The following AKR1C8 variants were observed in gnomAD, a reference collection of about 807,000 sequenced individuals.
The protein encoded by AKR1C8 is aldo-keto reductase family 1 member C-like protein 1.
the AKR1C8 span, among the ~76,000 whole-genome samples, chr10:5,157,367 G>A: frequency 0.37 from 37,119 of 101,018 alleles, 4,712 homozygotes; most frequent in Non-Finnish European, 0.41. Flanking sequence ...TTACCATGTA[G>A]AAGAACTCCT....
the AKR1C8 span, among the ~76,000 whole-genome samples, chr10:5,126,243 T>C: frequency 1.3e-5 from 2 of 152,136 alleles, no homozygotes; most frequent in Admixed American, 1.3e-4. Flanking sequence ...ATACACAGCT[T>C]TCCTGGAACA....
chr10:5,153,282 G>A, the AKR1C8 span, among the ~76,000 whole-genome samples: 7 of 152,166 alleles, frequency 4.6e-5, no homozygotes, highest in African/African-American at 7.2e-5. Flanking sequence ...TAAAAATGCC[G>A]AAATGTGGGT....
chr10:5,123,740 A>T, the AKR1C8 span: 4 of 1,613,392 alleles, frequency 2.5e-6, no homozygotes, highest in Admixed American at 1.7e-5. Flanking sequence ...TTCCCAGAGC[A>T]CTGTGGGCAA....
chr10:5,140,777 A>G, the AKR1C8 span, among the ~76,000 whole-genome samples: 1 of 138,588 alleles, frequency 7.2e-6, no homozygotes, highest in African/African-American at 3.5e-5. Flanking sequence ...GCACATGTAC[A>G]TATATGCAAC....
the AKR1C8 span, among the ~76,000 whole-genome samples, chr10:5,179,673 C>CA: frequency 6.5e-4 from 97 of 148,416 alleles, no homozygotes; most frequent in Admixed American, 2.0e-3. Context: ...AGGCTTTGTT[C>CA]TTTTTATTCT....
the AKR1C8 span, among the ~76,000 whole-genome samples, chr10:5,168,024 TA>T: frequency 5.3e-5 from 8 of 151,062 alleles, no homozygotes; most frequent in African/African-American, 1.5e-4. Context: ...TCCACCAGAT[TA>T]AAAAAAAAGA....
the AKR1C8 span, among the ~76,000 whole-genome samples, chr10:5,175,170 C>A: frequency 1.7e-4 from 24 of 143,710 alleles, no homozygotes; most frequent in Non-Finnish European, 2.9e-4. Flanking sequence ...GTTCCCCTTC[C>A]TGTGTCCATG....
At chr10:5,116,512 G>A in the AKR1C8 span, among the ~76,000 whole-genome samples, 1 of 152,128 alleles carries the variant, frequency 6.6e-6, no homozygotes, top group African/African-American at 2.4e-5. Context: ...ATTGGATGCT[G>A]ATTCAGGGCA....
the AKR1C8 span, among the ~76,000 whole-genome samples, chr10:5,157,323 G>A: frequency 1.4e-3 from 212 of 152,146 alleles, no homozygotes; most frequent in African/African-American, 4.4e-3. Flanking sequence ...AGGTAGAGAA[G>A]GTGAAGGAGA....
chr10:5,152,380 A>C, the AKR1C8 span, among the ~76,000 whole-genome samples: 1 of 152,198 alleles, frequency 6.6e-6, no homozygotes, highest in Non-Finnish European at 1.5e-5. Context: ...TTTTTTAAGC[A>C]AACTGATCTA....
the AKR1C8 span, chr10:5,161,712 G>A: frequency 3.0e-4 from 160 of 534,154 alleles, no homozygotes; most frequent in Middle Eastern, 2.6e-3. Flanking sequence ...AGATACTCAC[G>A]AAAGTTTTGG....
chr10:5,135,595 T>C, the AKR1C8 span, among the ~76,000 whole-genome samples: 1 of 152,158 alleles, frequency 6.6e-6, no homozygotes, highest in Non-Finnish European at 1.5e-5. Flanking sequence ...ATCATCTGTC[T>C]ATCTCATAAA....
At chr10:5,174,560 G>A in the AKR1C8 span, among the ~76,000 whole-genome samples, 1 of 151,804 alleles carries the variant, frequency 6.6e-6, no homozygotes, top group East Asian at 1.9e-4. Context: ...TAAGACCTGA[G>A]GACATAGAGA....
chr10:5,160,122 A>T, the AKR1C8 span: 1 of 270,112 alleles, frequency 3.7e-6, no homozygotes, highest in Non-Finnish European at 8.1e-6. Context: ...AGACTGAATT[A>T]AACAGTTTTA....
At chr10:5,128,345 C>T in the AKR1C8 span, among the ~76,000 whole-genome samples, 2 of 152,048 alleles carry the variant, frequency 1.3e-5, no homozygotes, top group East Asian at 3.9e-4. Flanking sequence ...GCATAAAACT[C>T]ACAAATCCTA....
At chr10:5,157,644 C>T in the AKR1C8 span, 1 of 471,894 alleles carries the variant, frequency 2.1e-6, no homozygotes, top group East Asian at 7.0e-5. Flanking sequence ...CCTGGAAGTT[C>T]TCTTTGATTC....
At chr10:5,177,927 A>C in the AKR1C8 span, among the ~76,000 whole-genome samples, 2 of 152,084 alleles carry the variant, frequency 1.3e-5, no homozygotes, top group African/African-American at 2.4e-5. Context: ...TTTCAAAAAA[A>C]CAGCTCCTGG....
chr10:5,178,071 T>G, the AKR1C8 span, among the ~76,000 whole-genome samples: 5 of 152,194 alleles, frequency 3.3e-5, no homozygotes, highest in Admixed American at 2.0e-4. Context: ...ATTGTGATGT[T>G]AGGGTGTCAA....
chr10:5,166,402 A>G, the AKR1C8 span, among the ~76,000 whole-genome samples: 15 of 152,362 alleles, frequency 9.8e-5, no homozygotes, highest in South Asian at 3.1e-3. Flanking sequence ...ACAAGGCTAC[A>G]GTACCCAAAA....
Sources: allele counts gnomAD v4.1 joint callset (sites outside exome capture counted in the v4.1 genomes callset), GRCh38; gene constraint gnomAD v4.1.1; transcripts MANE v1.5; gene names NCBI Gene and HGNC (gene_info 2026-07-23, HGNC 2026-07-21).